HPSE2: variants seen among roughly 807,000 people sequenced by gnomAD.
HPSE2 encodes the protein inactive heparanase-2.
A neutral mutation model predicts 60.5 loss-of-function variants in HPSE2; 38 were observed. That is an observed-to-expected ratio of 0.63 (90% CI 0.48 to 0.82). The LOEUF (loss-of-function observed/expected upper bound fraction) is 0.82, where lower values mean the gene tolerates loss of function less well. HPSE2 is among the 40% of genes least tolerant of loss of function. The pLI, the probability that HPSE2 is intolerant of heterozygous loss-of-function variation, is 0.00. For missense variants in HPSE2, 713 were observed against 740.4 expected (o/e 0.96, Z 0.43); for synonymous variants, 295 against 293.2 (o/e 1.01, Z -0.06).
chr10:98,538,623 G>GA (rs1943362895), intron 9 of HPSE2, among the ~76,000 whole-genome samples: 1 of 151,970 alleles, frequency 6.6e-6, no homozygotes, highest in Non-Finnish European at 1.5e-5. Flanking sequence ...ACCTACTCCT[G>GA]ACTCCCTGCC....
chr10:98,876,451 C>A (rs376983004), intron 3 of HPSE2, among the ~76,000 whole-genome samples: 3 of 151,794 alleles, frequency 2.0e-5, no homozygotes, highest in African/African-American at 7.3e-5. Context: ...GTGAACTTAG[C>A]ACATAACTTG....
At chr10:98,728,008 A>T (rs928356084) in intron 4 of HPSE2, among the ~76,000 whole-genome samples, 2 of 152,218 alleles carry the variant, frequency 1.3e-5, no homozygotes, top group Non-Finnish European at 2.9e-5. Flanking sequence ...AAACAGAGAG[A>T]AGAGATTTTG....
At chr10:99,230,471 C>T (rs1849606739) in intron 2 of HPSE2, among the ~76,000 whole-genome samples, 1 of 152,006 alleles carries the variant, frequency 6.6e-6, no homozygotes, top group Non-Finnish European at 1.5e-5. Flanking sequence ...TGGAATGATC[C>T]TATACTGGCC....
Position 98,780,826 on chromosome 10 carries a change from T to C in HPSE2, c.611-36770A>G, listed in dbSNP as rs562709311. On this transcript the variant is annotated intron_variant, in intron 3 of 11. Transcript: ENST00000370552. ...ATGTCACTTTTTCAGTGAAGTCTTG[T>C]GTGGCAGGAAACAAAAATGGAATGA... 2.6e-5 allele frequency among the ~76,000 whole-genome samples: 4 copies of C among 152,234 alleles called. No homozygotes were observed. In the East Asian group the frequency reaches 5.8e-4, roughly 22 times the overall value.
the HPSE2 span, among the ~76,000 whole-genome samples, chr10:99,272,194 C>T: frequency 1.6e-4 from 24 of 149,362 alleles, no homozygotes; most frequent in East Asian, 1.0e-3. Flanking sequence ...TGCTTGAACC[C>T]GGGAGGTAGA....
chr10:99,279,570 T>C, the HPSE2 span, among the ~76,000 whole-genome samples: 1 of 152,220 alleles, frequency 6.6e-6, no homozygotes, highest in South Asian at 2.1e-4. Context: ...AAACTAACTT[T>C]TGAGTGGTAG....
At chr10:98,680,758 T>A (rs1349172071) in intron 6 of HPSE2, among the ~76,000 whole-genome samples, 1 of 152,100 alleles carries the variant, frequency 6.6e-6, no homozygotes, top group East Asian at 1.9e-4. Flanking sequence ...TGGTCATTTG[T>A]TATTTTTATT....
At chr10:99,155,946 C>T (rs1289131157) in intron 2 of HPSE2, among the ~76,000 whole-genome samples, 4 of 151,636 alleles carry the variant, frequency 2.6e-5, no homozygotes, top group Admixed American at 1.3e-4. Context: ...GAAATACAAA[C>T]TACCATCAGA....
chr10:98,543,527 G>A (rs1943549690), intron 9 of HPSE2, among the ~76,000 whole-genome samples: 2 of 152,278 alleles, frequency 1.3e-5, no homozygotes, highest in East Asian at 1.9e-4. Context: ...AAAAGACACA[G>A]ACTGGCAAAC....
intron 9 of HPSE2, among the ~76,000 whole-genome samples, chr10:98,595,691 C>T (rs1405847978): frequency 6.6e-6 from 1 of 152,090 alleles, no homozygotes; most frequent in Non-Finnish European, 1.5e-5. Context: ...GATGCTTTTG[C>T]TTTCTTTCTC....
At chr10:98,639,405 C>T (rs1056937888) in intron 7 of HPSE2, among the ~76,000 whole-genome samples, 2 of 152,162 alleles carry the variant, frequency 1.3e-5, no homozygotes, top group Non-Finnish European at 2.9e-5. Flanking sequence ...TGAGGGGACC[C>T]TGGGCATGTT....
chr10:99,079,097 C>T (rs1157113344), intron 3 of HPSE2, among the ~76,000 whole-genome samples: 2 of 152,092 alleles, frequency 1.3e-5, no homozygotes, highest in African/African-American at 2.4e-5. Context: ...TCATGGAAAG[C>T]GGCTATGAGA....
rs575331063 is a variant in HPSE2 at position 98,553,486 on chromosome 10, C to T, written c.1320+61418G>A. On this transcript the variant is annotated intron_variant, in intron 9 of 11. Coordinates refer to ENST00000370552, the MANE Select transcript of HPSE2 (RefSeq NM_021828.5). Reference sequence around the variant, plus strand: ...GGGGTCAACTACATGCTCAGACATGCATCATTATTGAAGTAAAGAGCTCAC... The same window carrying T: ...GGGGTCAACTACATGCTCAGACATGTATCATTATTGAAGTAAAGAGCTCAC... Among the ~76,000 whole-genome samples the T allele has an allele frequency of 3.3e-5, 5 of 152,290 alleles. No homozygotes were observed. In the East Asian group the frequency reaches 9.6e-4, roughly 29 times the overall value.
chr10:98,824,694 G>T (rs1054854753), intron 3 of HPSE2, among the ~76,000 whole-genome samples: 1 of 152,146 alleles, frequency 6.6e-6, no homozygotes, highest in African/African-American at 2.4e-5. Flanking sequence ...TATTCAGCTT[G>T]TCCATCTGAG....
At chr10:99,294,409 T>C in the HPSE2 span, among the ~76,000 whole-genome samples, 1 of 146,578 alleles carries the variant, frequency 6.8e-6, no homozygotes, top group Non-Finnish European at 1.5e-5. Context: ...TATAAATATA[T>C]AATATATACA....
intron 4 of HPSE2, among the ~76,000 whole-genome samples, chr10:98,732,313 A>G (rs143210256): frequency 2.0e-4 from 30 of 152,286 alleles, no homozygotes; most frequent in Admixed American, 3.3e-4. Flanking sequence ...TCAAACACCC[A>G]GGATAGCCAA....
At chr10:99,177,578 T>C (rs1296827000) in intron 2 of HPSE2, among the ~76,000 whole-genome samples, 1 of 152,152 alleles carries the variant, frequency 6.6e-6, no homozygotes, top group East Asian at 1.9e-4. Context: ...CTAATTATCC[T>C]AAATGTATAT....
At position 98,501,954 on chromosome 10, in the gene HPSE2, CA is replaced by C. The variant is rs1333850011; in HGVS notation, c.1321-11759del. 1.8e-3 allele frequency among the ~76,000 whole-genome samples: 245 copies of C among 136,546 alleles called. 2 individuals carry two copies. Among genetic ancestry groups the C allele is most frequent in the Middle Eastern group, 3.6e-3 (1 of 274 alleles). The allele number at this position is 136,546 out of a possible 152,430, so 89.6% of individuals were successfully genotyped here. On this transcript the variant is annotated intron_variant, in intron 9 of 11. Transcript: ENST00000370552. Reference sequence around the variant, plus strand: ...AACTCAACCCCTTTTACAATATCTGCAAAAAAAAAAACAAACTTAAAAATAT... The same window carrying C: ...AACTCAACCCCTTTTACAATATCTGCAAAAAAAAAACAAACTTAAAAATAT...
intron 2 of HPSE2, among the ~76,000 whole-genome samples, chr10:99,148,402 A>G (rs1197609468): frequency 6.6e-6 from 1 of 152,234 alleles, no homozygotes; most frequent in Non-Finnish European, 1.5e-5. Context: ...GTGGTATTAC[A>G]TATTTCCAGC....
Sources: gnomAD v4.1 joint callset for allele counts (sites outside exome capture counted in the v4.1 genomes callset) on GRCh38, gnomAD v4.1.1 for gene constraint, MANE v1.5 for transcripts, NCBI Gene and HGNC (gene_info 2026-07-23, HGNC 2026-07-21) for gene names.